The following CEBPZOS variants were observed in gnomAD, a reference collection of about 807,000 sequenced individuals.
CEBPZOS encodes the protein CEBPZ opposite strand.
A neutral mutation model predicts 4.8 loss-of-function variants in CEBPZOS; 10 were observed. That is an observed-to-expected ratio of 2.07 (90% CI 1.28 to 3.52). CEBPZOS has a LOEUF of 3.52. Ranked by LOEUF, CEBPZOS falls within the 30% of genes most tolerant of loss-of-function variation. The pLI is 0.00. For missense variants in CEBPZOS, 98 were observed against 43.6 expected (o/e 2.25, Z -3.51); for synonymous variants, 25 against 14.2 (o/e 1.77, Z -1.72).
exon 5 of CEBPZOS, chr2:37,213,502 C>A: frequency 6.0e-6 from 1 of 166,370 alleles, no homozygotes. Flanking sequence ...ACCTCTGACT[C>A]CTGGATTCAA....
At position 37,197,398 on chromosome 2, in the gene CEBPZOS, A is replaced by G. The variant is rs545772915; in HGVS notation, c.-2+878A>G. The G allele has an allele frequency of 2.6e-5, 4 of 152,356 alleles. No homozygotes were observed. The South Asian group carries it at 8.3e-4, about 32-fold the overall frequency. The allele number at this position is 152,356 out of a possible 1,614,324, so 9.4% of individuals were successfully genotyped here. A position where few individuals can be genotyped will look rare whatever the true frequency, so the allele number is the denominator to read the frequency against. On this transcript the variant is annotated intron_variant, in intron 1 of 4. Coordinates refer to ENST00000402297, the MANE Select transcript of CEBPZOS (RefSeq NM_001322374.2). ...TTATTTGGAGGCAGCTATGCTCACC[A>G]CTATACACCAAGGCAGCCGTACAGT...
chr2:37,212,319 G>A (rs893175851), intron 4 of CEBPZOS: 1 of 1,607,244 alleles, frequency 6.2e-7, no homozygotes. Flanking sequence ...GGAAGGAGAA[G>A]ATAGAAGTAT....
downstream of CEBPZOS, chr2:37,214,951 C>T (rs1213691744): frequency 1.2e-6 from 2 of 1,601,192 alleles, no homozygotes; most frequent in African/African-American, 1.3e-5. Context: ...CCTTACTGTT[C>T]ACTACAAAAA....
chr2:37,201,830 C>G (rs1303991486), intron 4 of CEBPZOS, 33 bp from the exon 5 acceptor site: 18 of 1,607,882 alleles, frequency 1.1e-5, no homozygotes, highest in Non-Finnish European at 1.5e-5. Flanking sequence ...GTTTCTTTTT[C>G]TTGATGATAC....
chr2:37,210,202 A>G (rs1677676590), intron 4 of CEBPZOS: 1 of 152,232 alleles, frequency 6.6e-6, no homozygotes, highest in African/African-American at 2.4e-5. Context: ...TACAACCACT[A>G]TGGTAAACAG....
At chr2:37,205,291 T>A (rs1161678913), downstream of CEBPZOS, among the ~76,000 whole-genome samples, 1 of 152,176 alleles carries the variant, frequency 6.6e-6, no homozygotes, top group Non-Finnish European at 1.5e-5. Flanking sequence ...ATCCAGATGG[T>A]CGGTTCCTGC....
chr2:37,205,250 CCAT>C (rs1677495796), downstream of CEBPZOS, among the ~76,000 whole-genome samples: 2 of 152,200 alleles, frequency 1.3e-5, no homozygotes, highest in African/African-American at 4.8e-5. Flanking sequence ...CCAAGCTAAG[CCAT>C]CATATCCCCT....
In CEBPZOS at chr2:37,211,793, T is replaced by C. The variant is rs374291800; in HGVS notation, c.*3-1644T>C. On this transcript the variant is annotated intron_variant, in intron 4 of 4. Transcript: ENST00000397064. ...TTTAGCAGAAAAACAAACTTAAGGC[T>C]AAGGAAGTGAGGAAGACACAGTTTA... is the stretch of plus-strand genomic sequence containing the variant. 2.2e-6 allele frequency: 3 copies of C among 1,377,500 alleles called. No individual in the cohort carries two copies. The African/African-American group carries it at 4.3e-5, about 20-fold the overall frequency. The allele number at this position is 1,377,500 out of a possible 1,614,324, so 85.3% of individuals were successfully genotyped here. A position where few individuals can be genotyped will look rare whatever the true frequency, so the allele number is the denominator to read the frequency against.
At chr2:37,214,785 G>C (rs562072712), downstream of CEBPZOS, 37 of 727,696 alleles carry the variant, frequency 5.1e-5, no homozygotes, top group Non-Finnish European at 8.2e-5. Context: ...CACAGTAGTA[G>C]ATTATTGAAG....
downstream of CEBPZOS, chr2:37,213,942 CA>C: frequency 6.4e-7 from 1 of 1,573,290 alleles, no homozygotes; most frequent in Non-Finnish European, 8.6e-7. Context: ...TTCTCTTTAA[CA>C]GCAACTTTTT....
chr2:37,196,866 C>T (rs986701913), intron 1 of CEBPZOS, among the ~76,000 whole-genome samples: 1 of 152,136 alleles, frequency 6.6e-6, no homozygotes, highest in Non-Finnish European at 1.5e-5. Flanking sequence ...GCCGGGGGAG[C>T]GGAGGCGGCC....
downstream of CEBPZOS, chr2:37,216,118 ACTGT>A: frequency 1.4e-5 from 22 of 1,553,136 alleles, no homozygotes; most frequent in Non-Finnish European, 1.8e-5. Flanking sequence ...TTCAGTTTCA[ACTGT>A]CTAAGGTTTA....
chr2:37,204,912 TCTC>T (rs1367204969), downstream of CEBPZOS, among the ~76,000 whole-genome samples: 6 of 152,302 alleles, frequency 3.9e-5, no homozygotes, highest in South Asian at 2.1e-4. Context: ...ATTTTTTTCT[TCTC>T]CTCAAATTCC....
At chr2:37,205,757 T>G (rs554954433), downstream of CEBPZOS, among the ~76,000 whole-genome samples, 32 of 152,356 alleles carry the variant, frequency 2.1e-4, no homozygotes, top group Middle Eastern at 3.4e-3. Flanking sequence ...TTCTACATTT[T>G]TATCAAAAAT....
At chr2:37,198,580 T>C (rs1397868488) in intron 1 of CEBPZOS, 5 of 152,134 alleles carry the variant, frequency 3.3e-5, no homozygotes, top group Admixed American at 6.5e-5. Flanking sequence ...CACAGGACAA[T>C]AGAAAAATCT....
chr2:37,197,344 TA>T (rs1269024215), intron 1 of CEBPZOS: 2 of 152,220 alleles, frequency 1.3e-5, no homozygotes, highest in African/African-American at 4.8e-5. Context: ...TATGTATTTT[TA>T]AAAAGGTAAA....
Position 37,202,932 on chromosome 2 carries a change from A to C in CEBPZOS, c.*1072A>C. The C allele has an allele frequency of 6.3e-7, 1 of 1,595,778 alleles. No individual in the cohort carries two copies. Among genetic ancestry groups the C allele is most frequent in the Non-Finnish European group, 8.5e-7 (1 of 1,170,176 alleles). The stretch of plus-strand genomic sequence containing the variant: ...AATGTAGAATAGCTAGCTTGTTAAA[A>C]CAGTACATTAGCCTTACCTCTTCAG... On this transcript the variant is annotated 3_prime_UTR_variant, in exon 5 of 5. Coordinates refer to ENST00000402297, the MANE Select transcript of CEBPZOS (RefSeq NM_001322374.2).
chr2:37,208,544 TATG>T (rs1677614177), downstream of CEBPZOS, among the ~76,000 whole-genome samples: 1 of 152,024 alleles, frequency 6.6e-6, no homozygotes, highest in South Asian at 2.1e-4. Context: ...ACAAAAATCA[TATG>T]ATCATCTCAA....
In CEBPZOS at chr2:37,202,166, T is replaced by C. The variant is rs1558462811; in HGVS notation, c.*306T>C. On this transcript the variant is annotated 3_prime_UTR_variant, in exon 5 of 5. Transcript: ENST00000402297. ...TCCCCAAGCACTTTTACTGGTGAAA[T>C]AAAAACCAGTAACAATCAATATGTA... 4.2e-6 allele frequency: 1 copy of C among 237,778 alleles called. No individual in the cohort carries two copies. The highest frequency in any genetic ancestry group is 7.9e-6 in the Non-Finnish European group (1 of 126,056). The allele number at this position is 237,778 out of a possible 1,614,324, so 14.7% of individuals were successfully genotyped here. A position where few individuals can be genotyped will look rare whatever the true frequency, so the allele number is the denominator to read the frequency against.
Sources: gnomAD v4.1 joint callset for allele counts (sites outside exome capture counted in the v4.1 genomes callset) on GRCh38, gnomAD v4.1.1 for gene constraint, MANE v1.5 for transcripts, NCBI Gene and HGNC (gene_info 2026-07-23, HGNC 2026-07-21) for gene names.